Variants in RBMS3 observed in about 807,000 individuals in gnomAD.
The protein encoded by RBMS3 is RNA binding motif single stranded interacting protein 3, also known as RNA-binding motif, single-stranded-interacting protein 3.
RBMS3 carries 27 observed loss-of-function variants against 66.8 expected under a neutral mutation model. The ratio of observed to expected loss-of-function variants is 0.40; its 90% CI spans 0.30 to 0.56. RBMS3 has a LOEUF of 0.56. Among genes scored for constraint, RBMS3 ranks in the 20% least tolerant of loss-of-function variants. The pLI, the probability that RBMS3 is intolerant of heterozygous loss-of-function variation, is 0.40. For missense variants in RBMS3, 513 were observed against 549.5 expected (o/e 0.93, Z 0.66); for synonymous variants, 188 against 183.0 (o/e 1.03, Z -0.22).
chr3:29,664,258 G>A lies in RBMS3; in HGVS notation c.400-75462G>A, dbSNP rs896377585. ...TAATCCCAACACTTTTGGAGGCCAA[G>A]GCAGGAAGATCACAAGGTCAAGAGA... is the stretch of plus-strand genomic sequence containing the variant. On this transcript the variant is annotated intron_variant, in intron 4 of 14. Coordinates refer to ENST00000383767, the MANE Select transcript of RBMS3 (RefSeq NM_001003793.3). 1.1e-4 allele frequency among the ~76,000 whole-genome samples: 17 copies of A among 152,252 alleles called. No individual in the cohort carries two copies. In the East Asian group the frequency reaches 3.1e-3, roughly 28 times the overall value.
intron 1 of RBMS3, among the ~76,000 whole-genome samples, chr3:29,361,376 C>T (rs546842957): frequency 6.6e-6 from 1 of 150,750 alleles, no homozygotes; most frequent in Admixed American, 6.6e-5. Context: ...AATATTGACC[C>T]CCACTCTCTT....
intron 1 of RBMS3, among the ~76,000 whole-genome samples, chr3:29,356,228 G>A (rs2037214690): frequency 6.6e-6 from 1 of 152,150 alleles, no homozygotes; most frequent in Non-Finnish European, 1.5e-5. Context: ...CAGGTCTCAG[G>A]CTAACAGTTT....
chr3:29,295,993 T>C (rs17665280), intron 1 of RBMS3, among the ~76,000 whole-genome samples: 45,519 of 151,608 alleles, frequency 0.3, 7,004 homozygotes, highest in Admixed American at 0.37. Flanking sequence ...TGTGTTTTGA[T>C]GACAGGATTG....
At chr3:29,967,487 G>T (rs1022516510) in intron 12 of RBMS3, among the ~76,000 whole-genome samples, 1 of 152,066 alleles carries the variant, frequency 6.6e-6, no homozygotes, top group African/African-American at 2.4e-5. Flanking sequence ...AGTAGAGACG[G>T]GATTTCACCA....
chr3:29,440,471 T>C (rs1288065982), intron 2 of RBMS3, among the ~76,000 whole-genome samples: 3 of 152,196 alleles, frequency 2.0e-5, no homozygotes, highest in Non-Finnish European at 2.9e-5. Flanking sequence ...GGTACATACA[T>C]ATTTCCAGTC....
At chr3:29,648,390 G>A (rs2050022227) in intron 4 of RBMS3, among the ~76,000 whole-genome samples, 1 of 147,748 alleles carries the variant, frequency 6.8e-6, no homozygotes, top group Middle Eastern at 3.2e-3. Context: ...TCCCACCTCA[G>A]ACCCCCGGAG....
intron 4 of RBMS3, among the ~76,000 whole-genome samples, chr3:29,698,843 A>T (rs1194186567): frequency 6.6e-6 from 1 of 152,194 alleles, no homozygotes; most frequent in African/African-American, 2.4e-5. Context: ...AATTAATACT[A>T]CCATATTAAA....
At chr3:29,384,654 A>G (rs1417591886) in intron 1 of RBMS3, among the ~76,000 whole-genome samples, 1 of 152,212 alleles carries the variant, frequency 6.6e-6, no homozygotes, top group Non-Finnish European at 1.5e-5. Flanking sequence ...CTGTATTAAT[A>G]TAGCAAGTGT....
At chr3:29,400,766 T>C (rs1457439875) in intron 1 of RBMS3, among the ~76,000 whole-genome samples, 2 of 151,972 alleles carry the variant, frequency 1.3e-5, no homozygotes, top group Non-Finnish European at 2.9e-5. Flanking sequence ...TGGATCTTGA[T>C]AGATGTTTTC....
chr3:29,683,650 G>T (rs773930657), intron 4 of RBMS3, among the ~76,000 whole-genome samples: 18 of 152,072 alleles, frequency 1.2e-4, no homozygotes, highest in Non-Finnish European at 1.8e-4. Context: ...ATTTAATCAG[G>T]ATTGCTAAGG....
In RBMS3 at chr3:29,764,948, CTT is replaced by C. The variant is rs1323440488; in HGVS notation, c.637+1960_637+1961del. 4.6e-5 allele frequency among the ~76,000 whole-genome samples: 7 copies of C among 151,988 alleles called. No individual in the cohort carries two copies. The East Asian group carries it at 1.4e-3, about 29-fold the overall frequency. ...AATAATTATGTTCAGTTATAAAACT[CTT>C]AGGAGAGACAACTGTATGCTTCTGA... On this transcript the variant is annotated intron_variant, in intron 6 of 14. Transcript: ENST00000383767.
chr3:29,981,173 G>T (rs1462110995), intron 12 of RBMS3, among the ~76,000 whole-genome samples: 1 of 151,954 alleles, frequency 6.6e-6, no homozygotes, highest in Non-Finnish European at 1.5e-5. Context: ...GTATTCCTAG[G>T]TATTTTATTC....
intron 2 of RBMS3, among the ~76,000 whole-genome samples, chr3:29,470,661 G>A (rs1575916179): frequency 6.6e-6 from 1 of 151,760 alleles, no homozygotes; most frequent in African/African-American, 2.4e-5. Flanking sequence ...CATGTACATT[G>A]GTAAAAATCA....
chr3:29,317,461 C>T (rs529499818), intron 1 of RBMS3, among the ~76,000 whole-genome samples: 29 of 151,556 alleles, frequency 1.9e-4, no homozygotes, highest in African/African-American at 3.9e-4. Flanking sequence ...ATCATTATTG[C>T]GACAACAGAA....
intron 1 of RBMS3, among the ~76,000 whole-genome samples, chr3:29,316,419 A>C (rs2034679931): frequency 6.6e-6 from 1 of 151,744 alleles, no homozygotes; most frequent in Non-Finnish European, 1.5e-5. Flanking sequence ...ACACTCTTCT[A>C]TGAAAAATTT....
chr3:29,621,644 C>A (rs2048869117), intron 4 of RBMS3, among the ~76,000 whole-genome samples: 1 of 151,894 alleles, frequency 6.6e-6, no homozygotes, highest in Non-Finnish European at 1.5e-5. Flanking sequence ...AGCATAATAC[C>A]AAGTTCTAGA....
chr3:29,904,161 A>G (rs779076032), intron 10 of RBMS3, among the ~76,000 whole-genome samples: 3 of 152,000 alleles, frequency 2.0e-5, no homozygotes, highest in Non-Finnish European at 2.9e-5. Flanking sequence ...TAATTTTTCA[A>G]ATATAATCTC....
At chr3:29,427,371 G>A (rs1233556755) in intron 1 of RBMS3, among the ~76,000 whole-genome samples, 1 of 152,178 alleles carries the variant, frequency 6.6e-6, no homozygotes, top group Non-Finnish European at 1.5e-5. Context: ...CTTGCACAGA[G>A]AGTATTCATA....
At position 29,765,358 on chromosome 3, in the gene RBMS3, G is replaced by A. The variant is rs751931409; in HGVS notation, c.637+2369G>A. Among the ~76,000 whole-genome samples, 29 of 151,972 alleles carry A rather than the reference G, an allele frequency of 1.9e-4. No homozygotes were observed. In the Middle Eastern group the frequency reaches 0.01, roughly 53 times the overall value. ...ATTCCATATTTAAGACAGGGAGTAG[G>A]ATATCACTATGAGCTATGGCATCAG... On this transcript the variant is annotated intron_variant, in intron 6 of 14. Coordinates refer to ENST00000383767, the MANE Select transcript of RBMS3 (RefSeq NM_001003793.3).
Sources: allele counts gnomAD v4.1 joint callset (sites outside exome capture counted in the v4.1 genomes callset), GRCh38; gene constraint gnomAD v4.1.1; transcripts MANE v1.5; gene names NCBI Gene and HGNC (gene_info 2026-07-23, HGNC 2026-07-21).